The following KCNH3 variants were observed in gnomAD, a reference collection of about 807,000 sequenced individuals.
The protein encoded by KCNH3 is potassium voltage-gated channel subfamily H member 3.
KCNH3 carries 36 observed loss-of-function variants against 95.6 expected under a neutral mutation model. That is an observed-to-expected ratio of 0.38 (90% CI 0.29 to 0.50). KCNH3 has a LOEUF of 0.50. KCNH3 is among the 20% of genes least tolerant of loss of function. KCNH3 has a pLI of 0.95. For missense variants in KCNH3, 1,030 were observed against 1,484.1 expected, an observed-to-expected ratio of 0.69 and a Z score of 5.03; for synonymous variants, 620 against 646.3, an observed-to-expected ratio of 0.96 and a Z score of 0.62.
rs1296025661 is a variant in KCNH3, at chr12:49,542,725, T to C, written c.465T>C (p.Tyr155=). The change falls in exon 4 of 15, where the codon TAT becomes TAC. Residue 155 remains tyrosine, a synonymous_variant. Transcript: ENST00000257981. ...WKETGGGRRR[Y]GRARSKGFNA... Reference sequence around the variant, plus strand: ...TCGCAGGTGGTGGCCGGCGCCGATATGGCCGGGCACGATCCAAAGGCTTCA... The same window carrying C: ...TCGCAGGTGGTGGCCGGCGCCGATACGGCCGGGCACGATCCAAAGGCTTCA... 3.2e-6 allele frequency: 5 copies of C among 1,582,774 alleles called. No homozygotes were observed. In the African/African-American group the frequency reaches 6.7e-5, roughly 21 times the overall value.
chr12:49,556,717 T>G, intron 13 of KCNH3: 1 of 690,990 alleles, frequency 1.4e-6, no homozygotes, highest in Non-Finnish European at 2.6e-6. Context: ...TTTCTAGCAG[T>G]GTGAATTTGG....
chr12:49,549,419 C>T (rs571092855), intron 8 of KCNH3, 22 bp from the exon 9 acceptor site: 2 of 1,610,922 alleles, frequency 1.2e-6, no homozygotes, highest in South Asian at 2.2e-5. Flanking sequence ...CTAGGTGACC[C>T]CCTCTCGTCA....
intron 2 of KCNH3, 82 bp downstream of exon 2, chr12:49,541,214 T>G: frequency 4.9e-6 from 5 of 1,016,506 alleles, no homozygotes; most frequent in Non-Finnish European, 7.3e-6. Flanking sequence ...TCCCTCCTCC[T>G]TTCTGTTGCC....
At chr12:49,548,325 CTG>C (rs1175859772) in intron 7 of KCNH3, among the ~76,000 whole-genome samples, 1 of 152,122 alleles carries the variant, frequency 6.6e-6, no homozygotes. Context: ...GTCTTCTTGA[CTG>C]TGTGGGGCAC....
rs1338193828 is a variant in KCNH3, at chr12:49,557,521, G to A, written c.2820G>A (p.Val940=). Reference sequence around the variant, plus strand: ...CCGGGCTTCTGCAGCCTCTGTGTGTGGACACTGGGGCATCCTCCTACTGCC... The same window carrying A: ...CCGGGCTTCTGCAGCCTCTGTGTGTAGACACTGGGGCATCCTCCTACTGCC... ...STSGLLQPLC[V]DTGASSYCLQ... is the part of the protein sequence containing the mutation. The change falls in exon 15 of 15, where the codon GTG becomes GTA. Residue 940 remains valine (V), a synonymous_variant. Coordinates refer to ENST00000257981, the MANE Select transcript of KCNH3 (RefSeq NM_012284.3). 6.2e-6 allele frequency: 10 copies of A among 1,611,556 alleles called. No individual in the cohort carries two copies. The highest frequency in any genetic ancestry group is 1.3e-5 in the African/African-American group (1 of 74,924).
At position 49,544,223 on chromosome 12, in the gene KCNH3, C is replaced by T. The variant is rs1254762355; in HGVS notation, c.1030C>T (p.Arg344Cys). 5 of 1,588,044 alleles carry T rather than the reference C, an allele frequency of 3.1e-6. No individual in the cohort carries two copies. Among genetic ancestry groups the T allele is most frequent in the Admixed American group, 1.7e-5 (1 of 57,322 alleles). The change falls in exon 7 of 15, where the codon CGC becomes TGC. Residue 344 changes from arginine to cysteine, a missense_variant. This residue lies in a region of KCNH3 where 153 missense variants were observed against 288.5 expected (regional missense o/e 0.53). Coordinates refer to ENST00000257981, the MANE Select transcript of KCNH3 (RefSeq NM_012284.3). ...LKTVRLLRLL[R>C]LLPRLDRYSQ... ...GACGGTGCGCCTGCTGCGCCTGCTG[C>T]GCCTGCTTCCGCGGCTGGACCGGTA...
chr12:49,550,384 C>T (rs931368756), intron 10 of KCNH3, 55 bp downstream of exon 10: 2 of 1,538,622 alleles, frequency 1.3e-6, no homozygotes, highest in East Asian at 4.6e-5. Context: ...GACCATGGCC[C>T]TGATCTGTGG....
At chr12:49,554,654 G>T in intron 11 of KCNH3, 100 bp downstream of exon 11, 1 of 1,060,334 alleles carries the variant, frequency 9.4e-7, no homozygotes. Context: ...TGTGAAGTGT[G>T]GCCTGGTATG....
At chr12:49,544,548 C>G (rs562453507) in intron 7 of KCNH3, among the ~76,000 whole-genome samples, 166 bp downstream of exon 7, 1 of 152,298 alleles carries the variant, frequency 6.6e-6, no homozygotes, top group South Asian at 2.1e-4. Context: ...CACCACGTGA[C>G]GGGCCTGTTC....
intron 10 of KCNH3, among the ~76,000 whole-genome samples, chr12:49,551,506 A>T (rs1282853469): frequency 7.0e-6 from 1 of 143,576 alleles, no homozygotes; most frequent in East Asian, 2.3e-4. Context: ...AACCCAGGAG[A>T]TGGAGACTGC....
intron 12 of KCNH3, 26 bp from the exon 13 acceptor site, chr12:49,556,344 T>G: frequency 1.3e-6 from 2 of 1,556,978 alleles, no homozygotes; most frequent in Non-Finnish European, 1.8e-6. Flanking sequence ...TCCATTGATT[T>G]GTTGTCCTGG....
Position 49,557,508 on chromosome 12 carries a change from A to G in KCNH3, c.2807A>G (p.Gln936Arg), listed in dbSNP as rs1448527229. 17 of 1,611,704 alleles carry G rather than the reference A, an allele frequency of 1.1e-5. No individual in the cohort carries two copies. The highest frequency in any genetic ancestry group is 8.3e-5 in the Admixed American group (5 of 60,004). The change falls in exon 15 of 15, where the codon CAG becomes CGG. Residue 936 changes from glutamine to arginine, a missense_variant. Gln to Arg is a conservative substitution (Grantham distance 43). This residue lies in a region of KCNH3 where 464 missense variants were observed against 493.2 expected (regional missense o/e 0.94). Coordinates refer to ENST00000257981, the MANE Select transcript of KCNH3 (RefSeq NM_012284.3). ...PCPASTSGLL[Q>R]PLCVDTGASS... ...CCAGCCAGCACCTCCGGGCTTCTGCAGCCTCTGTGTGTGGACACTGGGGCA... is the reference window on the plus strand; with the variant it reads ...CCAGCCAGCACCTCCGGGCTTCTGCGGCCTCTGTGTGTGGACACTGGGGCA...
rs764037316 is a variant in KCNH3 at position 49,557,560 on chromosome 12, T to G, written c.2859T>G (p.Ala953=). ...CCTCCTACTGCCTGCAGCCCCCAGC[T>G]GGCTCTGTCTTGAGTGGGACTTGGC... ...GASSYCLQPP[A]GSVLSGTWPH... is the part of the protein sequence containing the mutation. Residue 953 remains alanine (A), a synonymous_variant, in exon 15 of 15, where the codon GCT becomes GCG. Transcript: ENST00000257981. 9.9e-6 allele frequency: 16 copies of G among 1,612,282 alleles called. No individual in the cohort carries two copies. The East Asian group carries it at 3.3e-4, about 34-fold the overall frequency.
At chr12:49,549,290 G>A (rs1938175572) in intron 8 of KCNH3, 117 bp downstream of exon 8, 2 of 1,458,304 alleles carry the variant, frequency 1.4e-6, no homozygotes, top group Non-Finnish European at 9.2e-7. Context: ...AGGTGGCCGC[G>A]GAACCCGAGG....
In KCNH3 at chr12:49,557,785, G is replaced by A. The variant is rs1237087748; in HGVS notation, c.3084G>A (p.Gly1028=). ...PPPSEEGART[G]PAEPVSQAEA... The stretch of plus-strand genomic sequence containing the variant: ...CTTCTGAGGAAGGGGCTAGGACTGG[G>A]CCCGCAGAGCCTGTGAGCCAGGCTG... The change falls in exon 15 of 15, where the codon GGG becomes GGA. Residue 1028 remains glycine, a synonymous_variant. Coordinates refer to ENST00000257981, the MANE Select transcript of KCNH3 (RefSeq NM_012284.3). The A allele has an allele frequency of 6.2e-7, 1 of 1,606,766 alleles. No homozygotes were observed. Among genetic ancestry groups the A allele is most frequent in the Non-Finnish European group, 8.5e-7 (1 of 1,175,178 alleles).
In KCNH3 at chr12:49,549,134, A is replaced by T. The variant is rs762572479; in HGVS notation, c.1429A>T (p.Thr477Ser). 6.2e-7 allele frequency: 1 copy of T among 1,611,106 alleles called. No homozygotes were observed. The highest frequency in any genetic ancestry group is 8.5e-7 in the Non-Finnish European group (1 of 1,179,096). The change falls in exon 8 of 15, where the codon ACC (threonine) becomes TCC (serine). Residue 477 changes from threonine to serine, a missense_variant. This residue lies in a region of KCNH3 where 13 missense variants were observed against 64.5 expected (regional missense o/e 0.20). Coordinates refer to ENST00000257981, the MANE Select transcript of KCNH3 (RefSeq NM_012284.3). The stretch of plus-strand genomic sequence containing the variant: ...CGGCAACGTGTCCGCCAACACGGAC[A>T]CCGAGAAGATCTTCTCCATCTGCAC... ...GFGNVSANTD[T>S]EKIFSICTML... is the part of the protein sequence containing the mutation.
chr12:49,545,637 T>C (rs1938037330), intron 7 of KCNH3, among the ~76,000 whole-genome samples: 1 of 152,002 alleles, frequency 6.6e-6, no homozygotes, highest in African/African-American at 2.4e-5. Context: ...GTGATCCACC[T>C]GCCTCGGCCT....
chr12:49,558,220 A>G lies in KCNH3; in HGVS notation c.*267A>G. ...GGGCAGAGGCCTGAGGACAAGGAAG[A>G]GCTTTGCCATCCCCTGCATGTGCCC... On this transcript the variant is annotated 3_prime_UTR_variant, in exon 15 of 15. Transcript: ENST00000257981. 1 of 399,818 alleles carries G rather than the reference A, an allele frequency of 2.5e-6. No homozygotes were observed. The highest frequency in any genetic ancestry group is 4.4e-6 in the Non-Finnish European group (1 of 228,168). The allele number at this position is 399,818 out of a possible 1,614,324, so 24.8% of individuals were successfully genotyped here. A position where few individuals can be genotyped will look rare whatever the true frequency, so the allele number is the denominator to read the frequency against.
Position 49,557,239 on chromosome 12 carries a change from C to T in KCNH3, c.2632C>T (p.Leu878=), listed in dbSNP as rs1487647482. 5.0e-6 allele frequency: 8 copies of T among 1,613,894 alleles called. No individual in the cohort carries two copies. Among genetic ancestry groups the T allele is most frequent in the Non-Finnish European group, 5.9e-6 (7 of 1,179,996 alleles). ...GPSEARNTDT[L]DKLRQAVTEL... is the part of the protein sequence containing the mutation. ...CAGCGAGGCAAGGAACACAGACACA[C>T]TGGACAAGCTTCGGCAGGCGGTGGG... The change falls in exon 14 of 15, where the codon CTG becomes TTG. Residue 878 remains leucine, a synonymous_variant. Transcript: ENST00000257981.
Sources: gnomAD v4.1 joint callset for allele counts (sites outside exome capture counted in the v4.1 genomes callset) on GRCh38, gnomAD v4.1.1 for gene constraint, gnomAD v4.1.1 regional missense constraint, MANE v1.5 for transcripts, NCBI Gene and HGNC (gene_info 2026-07-23, HGNC 2026-07-21) for gene names.